PHIP: variants seen among roughly 807,000 people sequenced by gnomAD.
PHIP encodes the protein PH-interacting protein.
In PHIP, 54 loss-of-function variants were observed where a neutral mutation model predicts 236.8. That is an observed-to-expected ratio of 0.23 (90% CI 0.18 to 0.29). PHIP has a LOEUF of 0.29. Among genes scored for constraint, PHIP ranks in the 10% least tolerant of loss-of-function variants. The probability of loss-of-function intolerance (pLI) is 1.00; values close to 1 mark genes in which losing one functional copy is unlikely to be tolerated. For synonymous variants in PHIP, 756 were observed against 718.9 expected (o/e 1.05, Z -0.83); for missense variants, 1,370 against 2,190.8 (o/e 0.63, Z 7.48).
At chr6:78,970,420 C>T (rs1767456865) in intron 25 of PHIP, among the ~76,000 whole-genome samples, 1 of 152,016 alleles carries the variant, frequency 6.6e-6, no homozygotes, top group African/African-American at 2.4e-5. Context: ...AGTATAGTTA[C>T]TAAAGTAAGT....
chr6:78,963,187 A>G lies in PHIP; in HGVS notation c.3445T>C (p.Tyr1149His), dbSNP rs1377542746. The change falls in exon 30 of 40, where the codon TAT becomes CAT. Residue 1149 changes from tyrosine to histidine, a missense_variant. Around this residue, in one of 14 missense-constraint regions of PHIP, gnomAD observed 238 missense variants for 398.5 expected, o/e 0.60. Transcript: ENST00000275034. ...CCCCATTCTCCATCAAGAGGTTTAT[A>G]GATTAGTGATCTGCACTCACCATCA... is the stretch of plus-strand genomic sequence containing the variant. ...LTDGECRSLI[Y>H]KPLDGEWGTN... 1 of 1,611,438 alleles carries G rather than the reference A, an allele frequency of 6.2e-7. No homozygotes were observed. The highest frequency in any genetic ancestry group is 1.1e-5 in the South Asian group (1 of 90,700).
chr6:78,987,216 T>C (rs1582172993), intron 21 of PHIP, among the ~76,000 whole-genome samples: 1 of 152,232 alleles, frequency 6.6e-6, no homozygotes, highest in East Asian at 1.9e-4. Flanking sequence ...TTAAATATTA[T>C]ATAGAAACTT....
At chr6:79,030,221 A>G (rs1168536786) in intron 7 of PHIP, among the ~76,000 whole-genome samples, 2 of 152,190 alleles carry the variant, frequency 1.3e-5, no homozygotes, top group Non-Finnish European at 2.9e-5. Flanking sequence ...AAGTGAAGAA[A>G]GTTTGGAAAT....
chr6:78,941,267 G>A lies in PHIP; in HGVS notation c.4892C>T (p.Pro1631Leu). 1.2e-6 allele frequency: 2 copies of A among 1,613,262 alleles called. No individual in the cohort carries two copies. Among genetic ancestry groups the A allele is most frequent in the Non-Finnish European group, 1.7e-6 (2 of 1,179,348 alleles). ...TIQVNGHGGQ[P>L]SKLVKRGPGR... ...AGGTCCCCTCTTCACAAGTTTTGAT[G>A]GCTGTCCTCCATGGCCATTTACTTG... The change falls in exon 40 of 40, where the codon CCA becomes CTA. Residue 1631 changes from proline to leucine, a missense_variant. Coordinates refer to ENST00000275034, the MANE Select transcript of PHIP (RefSeq NM_017934.7).
rs910908147 is a variant in PHIP, at chr6:79,025,726, G to C, written c.823-107C>G. The C allele has an allele frequency of 1.8e-5, 14 of 779,182 alleles. No homozygotes were observed. The South Asian group carries it at 2.1e-4, about 12-fold the overall frequency. The allele number at this position is 779,182 out of a possible 1,614,324, so 48.3% of individuals were successfully genotyped here. A position where few individuals can be genotyped will look rare whatever the true frequency, so the allele number is the denominator to read the frequency against. ...AACTAACAACAACAGTTAGAAAATG[G>C]CAAGAATTTACCAAGGTTATGTTAT... On this transcript the variant is annotated intron_variant, in intron 8 of 39. Transcript: ENST00000275034.
intron 15 of PHIP, among the ~76,000 whole-genome samples, chr6:79,014,453 T>C (rs953101456): frequency 2.6e-5 from 4 of 151,764 alleles, no homozygotes; most frequent in Non-Finnish European, 1.5e-5. Context: ...TTAAAAAATA[T>C]GACTACACAA....
At chr6:79,057,699 T>C (rs1172789431) in intron 6 of PHIP, among the ~76,000 whole-genome samples, 3 of 152,060 alleles carry the variant, frequency 2.0e-5, no homozygotes, top group African/African-American at 7.2e-5. Flanking sequence ...CTTTTAAAGG[T>C]AGCCAGACAG....
At chr6:79,021,307 C>T (rs535420086) in intron 9 of PHIP, among the ~76,000 whole-genome samples, 13 of 152,254 alleles carry the variant, frequency 8.5e-5, no homozygotes, top group Middle Eastern at 3.4e-3. Flanking sequence ...CCACCATGCC[C>T]GGCTAATTCT....
intron 27 of PHIP, among the ~76,000 whole-genome samples, chr6:78,966,890 T>A (rs748730610): frequency 6.6e-6 from 1 of 152,244 alleles, no homozygotes; most frequent in Non-Finnish European, 1.5e-5. Flanking sequence ...AAATAACGTA[T>A]CTGTATAACT....
At chr6:78,980,598 T>C (rs1283442370) in intron 23 of PHIP, among the ~76,000 whole-genome samples, 2 of 151,960 alleles carry the variant, frequency 1.3e-5, no homozygotes, top group African/African-American at 2.4e-5. Context: ...ATAAGTTTTG[T>C]AGGTGTTGGA....
intron 17 of PHIP, 27 bp from the exon 18 acceptor site, chr6:78,998,418 GAATAT>G: frequency 6.3e-7 from 1 of 1,596,414 alleles, no homozygotes; most frequent in Non-Finnish European, 8.6e-7. Flanking sequence ...AAAATATTAC[GAATAT>G]TTTAGCTACT....
chr6:79,020,260 C>A (rs1321069352), intron 9 of PHIP, among the ~76,000 whole-genome samples: 1 of 151,920 alleles, frequency 6.6e-6, no homozygotes, highest in Non-Finnish European at 1.5e-5. Flanking sequence ...AGAGAATTAT[C>A]TTTTTTACTG....
chr6:78,935,941 T>C lies in PHIP; in HGVS notation c.*4752A>G, dbSNP rs1420697277. On this transcript the variant is annotated 3_prime_UTR_variant, in exon 40 of 40. Transcript: ENST00000275034. ...ACTACATTGCAGGGACAGGTATTCT[T>C]ACACATACATTCTAGTTTGTATAAA... 1 of 156,514 alleles carries C rather than the reference T, an allele frequency of 6.4e-6. No homozygotes were observed. Among genetic ancestry groups the C allele is most frequent in the Non-Finnish European group, 1.4e-5 (1 of 72,006 alleles). 9.7% of individuals were successfully genotyped at this position (156,514 alleles called of 1,614,324 possible).
intron 27 of PHIP, among the ~76,000 whole-genome samples, chr6:78,967,438 A>G (rs1344552880): frequency 2.0e-5 from 3 of 152,236 alleles, no homozygotes; most frequent in African/African-American, 4.8e-5. Flanking sequence ...GTGCCTAATC[A>G]TAACGAACAA....
At chr6:78,964,351 G>A (rs542360267) in intron 29 of PHIP, among the ~76,000 whole-genome samples, 1 of 152,136 alleles carries the variant, frequency 6.6e-6, no homozygotes, top group Non-Finnish European at 1.5e-5. Context: ...TTCTCCAACA[G>A]TTATTTTTTC....
At chr6:78,984,074 GT>G (rs768823179) in intron 22 of PHIP, among the ~76,000 whole-genome samples, 1 of 152,050 alleles carries the variant, frequency 6.6e-6, no homozygotes, top group African/African-American at 2.4e-5. Flanking sequence ...AAATACTGCT[GT>G]TAACATTAAC....
chr6:78,950,384 A>T (rs1774074839), intron 35 of PHIP, among the ~76,000 whole-genome samples: 1 of 152,082 alleles, frequency 6.6e-6, no homozygotes, highest in Non-Finnish European at 1.5e-5. Context: ...GGGAATTTTG[A>T]GTTTTTCTAT....
At chr6:78,971,195 G>T (rs1346620365) in intron 24 of PHIP, among the ~76,000 whole-genome samples, 1 of 152,122 alleles carries the variant, frequency 6.6e-6, no homozygotes, top group East Asian at 1.9e-4. Flanking sequence ...TGACTAATAA[G>T]TTTATTGTCC....
intron 6 of PHIP, among the ~76,000 whole-genome samples, chr6:79,045,352 T>G (rs941026810): frequency 1.3e-5 from 2 of 152,146 alleles, no homozygotes; most frequent in African/African-American, 4.8e-5. Flanking sequence ...CCATATCAAA[T>G]AGGTAGATAA....
Sources: gnomAD v4.1 joint callset for allele counts (sites outside exome capture counted in the v4.1 genomes callset) on GRCh38, gnomAD v4.1.1 for gene constraint, gnomAD v4.1.1 regional missense constraint, MANE v1.5 for transcripts, NCBI Gene and HGNC (gene_info 2026-07-23, HGNC 2026-07-21) for gene names.